The following ATXN1 variants were observed in gnomAD, a reference collection of about 807,000 sequenced individuals.
ATXN1 encodes the protein ataxin-1.
A neutral mutation model predicts 56.4 loss-of-function variants in ATXN1; 8 were observed. The observed-to-expected ratio is 0.14, with a 90% CI of 0.08 to 0.26. ATXN1 has a LOEUF of 0.26. ATXN1 is among the 10% of genes least tolerant of loss of function. The pLI, the probability that ATXN1 is intolerant of heterozygous loss-of-function variation, is 1.00. For synonymous variants in ATXN1, 514 were observed against 494.6 expected (o/e 1.04, Z -0.52); for missense variants, 987 against 1,106.5 (o/e 0.89, Z 1.53).
intron 3 of ATXN1, among the ~76,000 whole-genome samples, chr6:16,598,385 T>C (rs1762853684): frequency 6.6e-6 from 1 of 152,218 alleles, no homozygotes; most frequent in Admixed American, 6.5e-5. Flanking sequence ...ACTTTGGAAG[T>C]GGTATATCCA....
At chr6:16,589,222 C>G (rs528245091) in intron 3 of ATXN1, among the ~76,000 whole-genome samples, 7 of 152,216 alleles carry the variant, frequency 4.6e-5, no homozygotes, top group South Asian at 2.1e-4. Flanking sequence ...CCTATTAAAG[C>G]AATTATCATA....
chr6:16,723,646 ACT>A (rs1159063847), intron 2 of ATXN1, among the ~76,000 whole-genome samples: 7 of 152,214 alleles, frequency 4.6e-5, no homozygotes, highest in Non-Finnish European at 8.8e-5. Flanking sequence ...CAGAAAAGAG[ACT>A]CTGGAGCATT....
rs551148830 is a variant in ATXN1, at chr6:16,435,784, C to T, written c.-161+50188G>A. Among the ~76,000 whole-genome samples, 11 of 152,284 alleles carry T rather than the reference C, an allele frequency of 7.2e-5. No homozygotes were observed. In the East Asian group the frequency reaches 2.1e-3, roughly 29 times the overall value. On this transcript the variant is annotated intron_variant, in intron 6 of 7. Transcript: ENST00000436367. ...GAAGTGGACTGTTAGGGCCCAGGTT[C>T]CCCTTAACCATGAGACCTGAAGCAA...
chr6:16,353,652 C>T (rs574347942), intron 6 of ATXN1, among the ~76,000 whole-genome samples: 41 of 152,184 alleles, frequency 2.7e-4, no homozygotes, highest in African/African-American at 6.3e-4. Flanking sequence ...CCAGCCTGGA[C>T]GACAGAGCAA....
rs192773146 is a variant in ATXN1, at chr6:16,462,396, C to T, written c.-161+23576G>A. Reference sequence around the variant, plus strand: ...CTATTTCAGAAGGAAACATCCCAGACTAAAAAGGCCCCTATAGCTGATCCT... The same window carrying T: ...CTATTTCAGAAGGAAACATCCCAGATTAAAAAGGCCCCTATAGCTGATCCT... On this transcript the variant is annotated intron_variant, in intron 6 of 7. Coordinates refer to ENST00000436367, the MANE Select transcript of ATXN1 (RefSeq NM_001128164.2). 1.5e-3 allele frequency among the ~76,000 whole-genome samples: 230 copies of T among 152,290 alleles called. 1 individual carries two copies. The highest frequency in any genetic ancestry group is 1.1e-3 in the Non-Finnish European group (73 of 68,034).
At chr6:16,732,213 T>C (rs1272504124) in intron 2 of ATXN1, among the ~76,000 whole-genome samples, 1 of 152,144 alleles carries the variant, frequency 6.6e-6, no homozygotes, top group African/African-American at 2.4e-5. Context: ...CAGACGCACA[T>C]GGTCACACTT....
intron 4 of ATXN1, among the ~76,000 whole-genome samples, chr6:16,548,363 A>G (rs1761853417): frequency 6.6e-6 from 1 of 152,184 alleles, no homozygotes; most frequent in African/African-American, 2.4e-5. Context: ...ACTGTACACT[A>G]CTGCAGACTT....
rs61710662 is a variant in ATXN1, at chr6:16,581,224, T to C, written c.-361+4556A>G. Among the ~76,000 whole-genome samples, 246 of 114,578 alleles carry C rather than the reference T, an allele frequency of 2.1e-3. 2 individuals are homozygous for C. Among genetic ancestry groups the C allele is most frequent in the South Asian group, 6.0e-3 (23 of 3,850 alleles). 75.2% of individuals were successfully genotyped at this position (114,578 alleles called of 152,430 possible). ...GTGTGTGTGTGTGTGTGTGTGTGTG[T>C]GCGCGCGTGTGTGTGTGTGTGTGTG... On this transcript the variant is annotated intron_variant, in intron 4 of 7. Transcript: ENST00000436367.
At chr6:16,730,816 T>C (rs1055962931) in intron 2 of ATXN1, among the ~76,000 whole-genome samples, 2 of 152,148 alleles carry the variant, frequency 1.3e-5, no homozygotes, top group African/African-American at 4.8e-5. Context: ...TAAACATGAT[T>C]TATTCCAGGT....
chr6:16,543,263 G>A lies in ATXN1; in HGVS notation c.-360-20575C>T, dbSNP rs144649883. ...GTGCGGGAGGGGACATGTGGCCCTA[G>A]CACCACCACTTTCCTTATAAAAAGT... On this transcript the variant is annotated intron_variant, in intron 4 of 7. Coordinates refer to ENST00000436367, the MANE Select transcript of ATXN1 (RefSeq NM_001128164.2). Among the ~76,000 whole-genome samples, 118 of 152,276 alleles carry A rather than the reference G, an allele frequency of 7.7e-4. 3 individuals are homozygous for A. In the East Asian group the frequency reaches 0.02, roughly 26 times the overall value.
chr6:16,454,872 T>C (rs1377202524), intron 6 of ATXN1, among the ~76,000 whole-genome samples: 3 of 152,170 alleles, frequency 2.0e-5, no homozygotes, highest in African/African-American at 7.2e-5. Flanking sequence ...GAAAAAGAAC[T>C]AAAAGCTGTG....
intron 2 of ATXN1, among the ~76,000 whole-genome samples, chr6:16,721,341 A>C (rs1759741323): frequency 6.6e-6 from 1 of 152,212 alleles, no homozygotes; most frequent in African/African-American, 2.4e-5. Context: ...ATATGTACCA[A>C]GTGGCTGGGG....
At chr6:16,624,935 G>A (rs1304734807) in intron 3 of ATXN1, among the ~76,000 whole-genome samples, 1 of 152,098 alleles carries the variant, frequency 6.6e-6, no homozygotes, top group Middle Eastern at 3.2e-3. Flanking sequence ...GCCACTGATC[G>A]CAGAATGCAT....
intron 6 of ATXN1, among the ~76,000 whole-genome samples, chr6:16,362,176 C>T (rs1019225584): frequency 6.6e-6 from 1 of 152,194 alleles, no homozygotes; most frequent in Admixed American, 6.5e-5. Context: ...CCATTCTTGC[C>T]TTCCCCTCAC....
intron 2 of ATXN1, among the ~76,000 whole-genome samples, chr6:16,680,210 GT>G (rs1158984251): frequency 1.3e-5 from 2 of 152,062 alleles, no homozygotes; most frequent in African/African-American, 4.8e-5. Context: ...CTGTACTCTT[GT>G]TTTTTTCTGG....
chr6:16,302,041 T>C lies in ATXN1; in HGVS notation c.*4288A>G, dbSNP rs531926632. 1.3e-5 allele frequency: 2 copies of C among 152,832 alleles called. No individual in the cohort carries two copies. The highest frequency in any genetic ancestry group is 4.1e-4 in the South Asian group (2 of 4,830). 9.5% of individuals were successfully genotyped at this position (152,832 alleles called of 1,614,324 possible). On this transcript the variant is annotated 3_prime_UTR_variant, in exon 8 of 8. Transcript: ENST00000436367. Reference sequence around the variant, plus strand: ...CAAACTGTGCAAAGAGTGGATTTTATGATTACTAGGAGCTACTGTTCATCT... The same window carrying C: ...CAAACTGTGCAAAGAGTGGATTTTACGATTACTAGGAGCTACTGTTCATCT...
chr6:16,502,526 T>G (rs1189118399), intron 5 of ATXN1, among the ~76,000 whole-genome samples: 5 of 152,192 alleles, frequency 3.3e-5, no homozygotes, highest in Admixed American at 1.3e-4. Flanking sequence ...TGAAAAACAG[T>G]AGGATTCTGG....
At chr6:16,584,138 C>T (rs1762575525) in intron 4 of ATXN1, among the ~76,000 whole-genome samples, 1 of 150,970 alleles carries the variant, frequency 6.6e-6, no homozygotes, top group African/African-American at 2.4e-5. Context: ...TGAGCCCAGG[C>T]AGCCTGAAGC....
In ATXN1 at chr6:16,302,766, G is replaced by C. The variant is rs1456806920; in HGVS notation, c.*3563C>G. The C allele has an allele frequency of 6.6e-6, 1 of 152,624 alleles. No homozygotes were observed. Among genetic ancestry groups the C allele is most frequent in the East Asian group, 1.9e-4 (1 of 5,202 alleles). The allele number at this position is 152,624 out of a possible 1,614,324, so 9.5% of individuals were successfully genotyped here. A position where few individuals can be genotyped will look rare whatever the true frequency, so the allele number is the denominator to read the frequency against. On this transcript the variant is annotated 3_prime_UTR_variant, in exon 8 of 8. Coordinates refer to ENST00000436367, the MANE Select transcript of ATXN1 (RefSeq NM_001128164.2). ...GTTACTAGTTTAAAAATGGAAAACA[G>C]GAAAGAAAGAACAAAAGACGGCTGT...
Sources: gnomAD v4.1 joint callset for allele counts (sites outside exome capture counted in the v4.1 genomes callset) on GRCh38, gnomAD v4.1.1 for gene constraint, MANE v1.5 for transcripts, NCBI Gene and HGNC (gene_info 2026-07-23, HGNC 2026-07-21) for gene names.